Variants in RPS6KA3 observed in about 807,000 individuals in gnomAD.
The protein encoded by RPS6KA3 is ribosomal protein S6 kinase alpha-3.
In RPS6KA3, 4 loss-of-function variants were observed where a neutral mutation model predicts 67.2. The ratio of observed to expected loss-of-function variants is 0.06; its 90% CI spans 0.03 to 0.14. The LOEUF (loss-of-function observed/expected upper bound fraction) is 0.14, where lower values mean the gene tolerates loss of function less well. Ranked by LOEUF, RPS6KA3 falls within the 10% of genes least tolerant of loss-of-function variation. The pLI, the probability that RPS6KA3 is intolerant of heterozygous loss-of-function variation, is 1.00. For missense variants in RPS6KA3, 204 were observed against 559.0 expected (o/e 0.36, Z 6.40); for synonymous variants, 182 against 183.7 (o/e 0.99, Z 0.07).
intron 1 of RPS6KA3, among the ~76,000 whole-genome samples, chrX:20,236,894 G>A (rs919280124): frequency 6.3e-5 from 7 of 111,482 alleles, no homozygotes; most frequent in Non-Finnish European, 1.1e-4. Flanking sequence ...TTATCCAAAT[G>A]TCCCAAAGAA....
At chrX:20,188,569 A>C (rs774208000) in intron 7 of RPS6KA3, 35 bp from the exon 8 acceptor site, 49 of 749,721 alleles carry the variant, frequency 6.5e-5, no homozygotes, top group Middle Eastern at 3.0e-4. Context: ...TAAGAACACT[A>C]AATAGAGATT....
intron 1 of RPS6KA3, among the ~76,000 whole-genome samples, chrX:20,247,691 G>A (rs573313469): frequency 0.01 from 1,138 of 109,151 alleles, 6 homozygotes; most frequent in Middle Eastern, 0.019. Context: ...GGAGGCTGAG[G>A]TAGGAGAATG....
intron 2 of RPS6KA3, among the ~76,000 whole-genome samples, chrX:20,232,815 T>C (rs1024935460): frequency 9.0e-6 from 1 of 111,315 alleles, no homozygotes; most frequent in African/African-American, 3.3e-5. Context: ...TCAACTTCAC[T>C]AGTAAGCAAA....
intron 4 of RPS6KA3, among the ~76,000 whole-genome samples, chrX:20,200,233 C>A (rs767041192): frequency 5.8e-4 from 65 of 112,168 alleles, no homozygotes; most frequent in African/African-American, 1.8e-3. Flanking sequence ...CATGAGAGAA[C>A]TGAATCTTAG....
intron 2 of RPS6KA3, among the ~76,000 whole-genome samples, chrX:20,212,364 G>C (rs1013660804): frequency 3.6e-5 from 4 of 110,782 alleles, no homozygotes; most frequent in Admixed American, 1.9e-4. Flanking sequence ...TGGGCGTGGT[G>C]GTGGGTGCCT....
At chrX:20,232,340 C>T (rs754648691) in intron 2 of RPS6KA3, among the ~76,000 whole-genome samples, 3 of 111,124 alleles carry the variant, frequency 2.7e-5, no homozygotes, top group East Asian at 2.8e-4. Context: ...TTTGGGAGGC[C>T]GAGGCGAGCA....
At chrX:20,198,821 T>A (rs533956291) in intron 4 of RPS6KA3, among the ~76,000 whole-genome samples, 5 of 112,222 alleles carry the variant, frequency 4.5e-5, no homozygotes, top group African/African-American at 1.6e-4. Flanking sequence ...AGACTGGATA[T>A]CTTTATGCTC....
chrX:20,255,050 T>C (rs1338678939), intron 1 of RPS6KA3, among the ~76,000 whole-genome samples: 1 of 112,530 alleles, frequency 8.9e-6, no homozygotes, highest in African/African-American at 3.2e-5. Context: ...CACAGCAGCA[T>C]TATTCATAAT....
intron 2 of RPS6KA3, among the ~76,000 whole-genome samples, chrX:20,228,607 A>G (rs1384956418): frequency 9.0e-6 from 1 of 110,926 alleles, no homozygotes; most frequent in Non-Finnish European, 1.9e-5. Context: ...AACTCTTTAT[A>G]TCAATATTCA....
intron 10 of RPS6KA3, 108 bp downstream of exon 10, chrX:20,186,188 T>C: frequency 1.8e-6 from 1 of 553,976 alleles, no homozygotes; most frequent in Non-Finnish European, 3.2e-6. Context: ...GTGATCCGTC[T>C]TCCTTGCCCT....
At chrX:20,188,604 A>G (rs1449717187) in intron 7 of RPS6KA3, 70 bp from the exon 8 acceptor site, 2 of 547,234 alleles carry the variant, frequency 3.7e-6, no homozygotes, top group Non-Finnish European at 6.3e-6. Flanking sequence ...CTGAAATTAC[A>G]TCCTTAAGCA....
Position 20,193,523 on chromosome X carries a change from C to T in RPS6KA3, c.557G>A (p.Ser186Asn), listed in dbSNP as rs1165081832. 8.4e-7 allele frequency: 1 copy of T among 1,193,883 alleles called. No individual in the cohort carries two copies. The change falls in exon 7 of 22, where the codon AGC (serine) becomes AAC (asparagine). Residue 186 changes from serine to asparagine, a missense_variant. Ser to Asn is a conservative substitution (Grantham distance 46). Coordinates refer to ENST00000379565, the MANE Select transcript of RPS6KA3 (RefSeq NM_004586.3). ...TAAGTCTCTATAAATTATTCCCAGGCTATGTAGATGGTCTAAAGCAAGTGC... is the reference window on the plus strand; with the variant it reads ...TAAGTCTCTATAAATTATTCCCAGGTTATGTAGATGGTCTAAAGCAAGTGC... ...ELALALDHLH[S>N]LGIIYRDLKP...
At chrX:20,162,228 C>T (rs754237814) in intron 19 of RPS6KA3, among the ~76,000 whole-genome samples, 7 of 106,129 alleles carry the variant, frequency 6.6e-5, no homozygotes, top group Admixed American at 6.2e-4. Context: ...CCCAGCTATT[C>T]GGGAGGCTGA....
At chrX:20,172,916 G>A in intron 14 of RPS6KA3, 45 bp from the exon 15 acceptor site, 1 of 1,137,419 alleles carries the variant, frequency 8.8e-7, no homozygotes, top group Non-Finnish European at 1.2e-6. Context: ...AATGCCTTTA[G>A]TGCATTTTAT....
chrX:20,204,671 C>A (rs764174243), intron 3 of RPS6KA3, among the ~76,000 whole-genome samples: 1 of 112,091 alleles, frequency 8.9e-6, no homozygotes, highest in African/African-American at 3.2e-5. Flanking sequence ...GAGGCCAAGG[C>A]GGGTGGATCA....
chrX:20,177,875 A>C (rs996931725), intron 10 of RPS6KA3, among the ~76,000 whole-genome samples: 1 of 112,510 alleles, frequency 8.9e-6, no homozygotes, highest in Admixed American at 9.5e-5. Flanking sequence ...AGGATTGTGA[A>C]ATATTGAAGA....
intron 2 of RPS6KA3, among the ~76,000 whole-genome samples, chrX:20,227,718 C>T (rs2069159131): frequency 9.1e-6 from 1 of 109,666 alleles, no homozygotes; most frequent in Non-Finnish European, 1.9e-5. Context: ...TTTAGTATTC[C>T]ACTTAATCTA....
At chrX:20,256,003 G>A (rs1203916380) in intron 1 of RPS6KA3, among the ~76,000 whole-genome samples, 1 of 102,745 alleles carries the variant, frequency 9.7e-6, no homozygotes, top group African/African-American at 3.6e-5. Flanking sequence ...CCAGCTACTC[G>A]GGAGGCTGAG....
intron 1 of RPS6KA3, among the ~76,000 whole-genome samples, chrX:20,246,122 GAAAAAAAA>G (rs5901672): frequency 7.9e-4 from 42 of 52,846 alleles, no homozygotes; most frequent in African/African-American, 2.2e-3. Flanking sequence ...TCTCGGAAAA[GAAAAAAAA>G]AAAAAAAAAA....
Sources: allele counts gnomAD v4.1 joint callset (sites outside exome capture counted in the v4.1 genomes callset), GRCh38; gene constraint gnomAD v4.1.1; transcripts MANE v1.5; gene names NCBI Gene and HGNC (gene_info 2026-07-23, HGNC 2026-07-21).